Variants in HTT-AS observed in about 807,000 individuals in gnomAD.
HTT-AS encodes the protein HTT antisense RNA, also known as HTT antisense RNA (head to head).
chr4:3,050,823 T>C (rs1711687310), intron 2 of HTT-AS, among the ~76,000 whole-genome samples: 2 of 152,186 alleles, frequency 1.3e-5, no homozygotes, highest in Non-Finnish European at 2.9e-5. Context: ...ACTTAACATA[T>C]CAGATTATCC....
At chr4:3,062,648 T>A (rs1711955822) in exon 2 of HTT-AS, among the ~76,000 whole-genome samples, 2 of 151,876 alleles carry the variant, frequency 1.3e-5, no homozygotes, top group South Asian at 4.2e-4. Context: ...GGCCCCTTTC[T>A]CTTCTGCTTG....
chr4:3,046,482 C>T (rs1011269167), downstream of HTT-AS, among the ~76,000 whole-genome samples: 1 of 152,190 alleles, frequency 6.6e-6, no homozygotes, highest in Non-Finnish European at 1.5e-5. Flanking sequence ...GGTTGCAGTT[C>T]GTCCACAAGG....
intron 2 of HTT-AS, among the ~76,000 whole-genome samples, chr4:3,053,415 C>T (rs1400278128): frequency 6.6e-6 from 1 of 152,154 alleles, no homozygotes. Context: ...TGCTGGTAAT[C>T]CCAGCTACTC....
rs117158779 is a variant in HTT-AS at position 3,071,740 on chromosome 4, G to A, written n.113+2686C>T. On this transcript the variant is annotated intron_variant and non_coding_transcript_variant, in intron 1 of 2. Transcript: ENST00000664062. ...AGGCTAAAATGAGATCATTAGGGTG[G>A]GCCATAATCCGACTGATGTCTTACA... is the stretch of plus-strand genomic sequence containing the variant. Among the ~76,000 whole-genome samples the A allele has an allele frequency of 4.3e-4, 66 of 152,126 alleles. No individual in the cohort carries two copies. The East Asian group carries it at 0.012, about 27-fold the overall frequency.
In HTT-AS at chr4:3,059,917, G is replaced by GTTTTTTTTT. The variant is rs34372712; in HGVS notation, n.1380+2516_1380+2517insAAAAAAAAA. On this transcript the variant is annotated intron_variant and non_coding_transcript_variant, in intron 2 of 2. Transcript: ENST00000664062. ...GTTGCTTTAACATCTTTGTCCCTGT[G>GTTTTTTTTT]TTTTTTGTTTTTTTTTTTGAGACGG... Among the ~76,000 whole-genome samples, 3 of 136,240 alleles carry GTTTTTTTTT rather than the reference G, an allele frequency of 2.2e-5. 1 individual carries two copies. Among genetic ancestry groups the GTTTTTTTTT allele is most frequent in the African/African-American group, 5.6e-5 (2 of 35,542 alleles). The allele number at this position is 136,240 out of a possible 152,430, so 89.4% of individuals were successfully genotyped here. A position where few individuals can be genotyped will look rare whatever the true frequency, so the allele number is the denominator to read the frequency against.
chr4:3,054,037 T>A (rs1440135690), intron 2 of HTT-AS, among the ~76,000 whole-genome samples: 1 of 151,794 alleles, frequency 6.6e-6, no homozygotes, highest in African/African-American at 2.4e-5. Flanking sequence ...GGATTACAGG[T>A]GTGAGCCACT....
At chr4:3,055,410 A>G (rs988621926) in intron 2 of HTT-AS, among the ~76,000 whole-genome samples, 1 of 152,148 alleles carries the variant, frequency 6.6e-6, no homozygotes, top group Non-Finnish European at 1.5e-5. Context: ...CCCATGCTTT[A>G]CTTAGGTAAA....
At chr4:3,058,526 A>G (rs1418361675) in intron 2 of HTT-AS, among the ~76,000 whole-genome samples, 1 of 152,042 alleles carries the variant, frequency 6.6e-6, no homozygotes, top group African/African-American at 2.4e-5. Context: ...TCTTTACTGC[A>G]ACCTGTTTTA....
intron 2 of HTT-AS, among the ~76,000 whole-genome samples, chr4:3,056,732 TTTTCTTTTC>T (rs771369249): frequency 1.9e-4 from 29 of 152,200 alleles, no homozygotes; most frequent in Non-Finnish European, 3.7e-4. Context: ...AGGTATTTCC[TTTTCTTTTC>T]TTTCTTTTAA....
At chr4:3,060,961 C>T (rs1292055026) in intron 2 of HTT-AS, among the ~76,000 whole-genome samples, 1 of 152,190 alleles carries the variant, frequency 6.6e-6, no homozygotes, top group Non-Finnish European at 1.5e-5. Context: ...TCCATTCTGC[C>T]GCAGGCTGGA....
At chr4:3,047,970 C>T (rs1340151706), downstream of HTT-AS, among the ~76,000 whole-genome samples, 1 of 152,202 alleles carries the variant, frequency 6.6e-6, no homozygotes. Context: ...CCGGTGGACA[C>T]GTGACTTGCG....
chr4:3,053,648 T>C (rs181274444), intron 2 of HTT-AS, among the ~76,000 whole-genome samples: 97 of 152,224 alleles, frequency 6.4e-4, no homozygotes, highest in African/African-American at 2.0e-3. Context: ...TGCCTTTTAG[T>C]GCATGTAACT....
chr4:3,073,447 CTGAA>C (rs1198811055), intron 1 of HTT-AS, among the ~76,000 whole-genome samples: 2 of 152,236 alleles, frequency 1.3e-5, no homozygotes, highest in African/African-American at 2.4e-5. Context: ...TGAGCTGCTG[CTGAA>C]TGACGCCCCT....
At chr4:3,055,727 A>G (rs1711793005) in intron 2 of HTT-AS, among the ~76,000 whole-genome samples, 1 of 152,184 alleles carries the variant, frequency 6.6e-6, no homozygotes, top group Admixed American at 6.6e-5. Context: ...GCTTCCCTTG[A>G]TTAATTTAGC....
chr4:3,050,118 CTTT>C, intron 2 of HTT-AS, among the ~76,000 whole-genome samples: 1 of 152,104 alleles, frequency 6.6e-6, no homozygotes, highest in Non-Finnish European at 1.5e-5. Flanking sequence ...ATAACAAAAG[CTTT>C]AAGGACTCAG....
chr4:3,070,036 C>G (rs1712134872), intron 1 of HTT-AS: 1 of 152,312 alleles, frequency 6.6e-6, no homozygotes, highest in Non-Finnish European at 1.5e-5. Flanking sequence ...GGTGTGCACC[C>G]CCTCTGGCTG....
At chr4:3,051,030 T>TTGTGTG (rs59615689) in intron 2 of HTT-AS, among the ~76,000 whole-genome samples, 16,738 of 122,302 alleles carry the variant, frequency 0.14, 1,237 homozygotes, top group East Asian at 0.26. Context: ...CCCTTACAAT[T>TTGTGTG]TGTGTGTGTG....
In HTT-AS at chr4:3,055,062, G is replaced by A. The variant is rs370607338; in HGVS notation, n.1381-5364C>T. ...TCTGCTCTTTCACAAAAATTGTAAG[G>A]GCTTGGCCAGGTGTGGTGGCTCACA... On this transcript the variant is annotated intron_variant and non_coding_transcript_variant, in intron 2 of 2. Transcript: ENST00000664062. 9.9e-5 allele frequency among the ~76,000 whole-genome samples: 15 copies of A among 152,036 alleles called. No homozygotes were observed. The East Asian group carries it at 2.9e-3, about 30-fold the overall frequency.
chr4:3,052,614 G>A (rs1711724274), intron 2 of HTT-AS, among the ~76,000 whole-genome samples: 1 of 152,186 alleles, frequency 6.6e-6, no homozygotes, highest in East Asian at 1.9e-4. Context: ...AACTAGGCAG[G>A]AAATATACTT....
Sources: gnomAD v4.1 joint callset for allele counts (sites outside exome capture counted in the v4.1 genomes callset) on GRCh38, gnomAD v4.1.1 for gene constraint, MANE v1.5 for transcripts, NCBI Gene and HGNC (gene_info 2026-07-23, HGNC 2026-07-21) for gene names.